The following CLPB variants were observed in gnomAD, a reference collection of about 807,000 sequenced individuals.
CLPB encodes ClpB family mitochondrial disaggregase, also known as mitochondrial disaggregase.
CLPB carries 40 observed loss-of-function variants against 78.4 expected under a neutral mutation model. The observed-to-expected ratio is 0.51, with a 90% CI of 0.40 to 0.66. The LOEUF is 0.66. Ranked by LOEUF, CLPB falls within the 30% of genes least tolerant of loss-of-function variation. The probability of loss-of-function intolerance (pLI) is 0.00; values close to 1 mark genes in which losing one functional copy is unlikely to be tolerated. For missense variants in CLPB, 780 were observed against 886.9 expected (o/e 0.88, Z 1.53); for synonymous variants, 333 against 348.0 (o/e 0.96, Z 0.48).
intron 3 of CLPB, among the ~76,000 whole-genome samples, chr11:72,395,812 T>G (rs531427310): frequency 6.6e-6 from 1 of 152,284 alleles, no homozygotes; most frequent in South Asian, 2.1e-4. Context: ...GGTACACTGG[T>G]ACTCTACCTG....
intron 4 of CLPB, among the ~76,000 whole-genome samples, chr11:72,369,635 T>A (rs2135646533): frequency 6.6e-6 from 1 of 152,282 alleles, no homozygotes; most frequent in South Asian, 2.1e-4. Context: ...AAAAAACAAA[T>A]ACAAAATGCT....
intron 3 of CLPB, among the ~76,000 whole-genome samples, chr11:72,385,883 G>A (rs1254460499): frequency 6.6e-6 from 1 of 152,116 alleles, no homozygotes; most frequent in Non-Finnish European, 1.5e-5. Flanking sequence ...TCCACTATAA[G>A]ACTATTCCAT....
In CLPB at chr11:72,285,894, T is replaced by C. The variant is rs1416533144; in HGVS notation, c.*7473A>G. 1 of 152,190 alleles carries C rather than the reference T, an allele frequency of 6.6e-6. No homozygotes were observed. The highest frequency in any genetic ancestry group is 2.4e-5 in the African/African-American group (1 of 41,456). 9.4% of individuals were successfully genotyped at this position (152,190 alleles called of 1,614,324 possible). On this transcript the variant is annotated 3_prime_UTR_variant, in exon 16 of 16. Coordinates refer to ENST00000538039, the MANE Select transcript of CLPB (RefSeq NM_001258392.3). Reference sequence around the variant, plus strand: ...GCTAGAATACAGAAAAAACAATTGATTTTTGTACAGTTATCTTTTATTCAG... The same window carrying C: ...GCTAGAATACAGAAAAAACAATTGACTTTTGTACAGTTATCTTTTATTCAG...
At chr11:72,331,727 C>A (rs144854943) in intron 5 of CLPB, among the ~76,000 whole-genome samples, 1 of 151,924 alleles carries the variant, frequency 6.6e-6, no homozygotes, top group Non-Finnish European at 1.5e-5. Context: ...GCATGTGCCA[C>A]CATGCCTGGC....
Position 72,434,201 on chromosome 11 carries a change from G to C in CLPB, c.274C>G (p.Pro92Ala). 1 of 1,613,566 alleles carries C rather than the reference G, an allele frequency of 6.2e-7. No homozygotes were observed. Among genetic ancestry groups the C allele is most frequent in the Non-Finnish European group, 8.5e-7 (1 of 1,180,004 alleles). ...CCTGGGAGTGTTTCTTCGGGACCAG[G>C]AAGGCGTCCCCAAGTGGCAGCCGCG... ...CLAAATWGRL[P>A]GPEETLPGQD... The change falls in exon 1 of 16, where the codon CCT (proline) becomes GCT (alanine). Residue 92 changes from proline (P) to alanine (A), a missense_variant. Around this residue, in one of 3 missense-constraint regions of CLPB, gnomAD observed 417 missense variants for 414.7 expected, o/e 1.01. Coordinates refer to ENST00000538039, the MANE Select transcript of CLPB (RefSeq NM_001258392.3).
chr11:72,349,514 AG>A (rs1420952758), intron 5 of CLPB, among the ~76,000 whole-genome samples: 1 of 152,192 alleles, frequency 6.6e-6, no homozygotes, highest in Non-Finnish European at 1.5e-5. Context: ...CCTTTTGGGA[AG>A]GGACACTTGA....
intron 4 of CLPB, among the ~76,000 whole-genome samples, chr11:72,364,442 G>T (rs373850372): frequency 3.3e-3 from 498 of 152,074 alleles, no homozygotes; most frequent in Non-Finnish European, 4.8e-3. Flanking sequence ...CCCGACCTCA[G>T]ATGATCCACC....
rs544601364 is a variant in CLPB at position 72,293,996 on chromosome 11, C to T, written c.1785+26G>A. On this transcript the variant is annotated intron_variant, in intron 15 of 15. Coordinates refer to ENST00000538039, the MANE Select transcript of CLPB (RefSeq NM_001258392.3). ...CCTGGGGAGGGAGGTGTGGAGGCGC[C>T]TCATTTCTCAGGCTCCTGTGCTCAC... The T allele has an allele frequency of 6.2e-6, 10 of 1,600,962 alleles. No homozygotes were observed. In the Admixed American group the frequency reaches 8.4e-5, roughly 13 times the overall value.
At chr11:72,366,547 A>T (rs1024871097) in intron 4 of CLPB, among the ~76,000 whole-genome samples, 1 of 152,172 alleles carries the variant, frequency 6.6e-6, no homozygotes, top group Admixed American at 6.6e-5. Context: ...TAAGGAACTT[A>T]AACAACTCAA....
At position 72,339,750 on chromosome 11, in the gene CLPB, T is replaced by C. The variant is rs540622509; in HGVS notation, c.776-9946A>G. ...CCAGTTGAGGGGAGATGGACAAGTT[T>C]ATTTCAGTAGTATCTTGTGCTTTGA... On this transcript the variant is annotated intron_variant, in intron 5 of 15. Transcript: ENST00000538039. Among the ~76,000 whole-genome samples, 4 of 152,344 alleles carry C rather than the reference T, an allele frequency of 2.6e-5. No individual in the cohort carries two copies. The South Asian group carries it at 8.3e-4, about 32-fold the overall frequency.
chr11:72,309,238 T>C (rs1590774708), intron 7 of CLPB, among the ~76,000 whole-genome samples: 1 of 151,140 alleles, frequency 6.6e-6, no homozygotes, highest in African/African-American at 2.4e-5. Context: ...GTGGAGGGAG[T>C]GGGGAGCACG....
intron 3 of CLPB, among the ~76,000 whole-genome samples, chr11:72,392,682 G>C (rs1855288192): frequency 6.6e-6 from 1 of 152,170 alleles, no homozygotes; most frequent in Non-Finnish European, 1.5e-5. Flanking sequence ...CACTATTTCA[G>C]ATCCTTATAA....
At chr11:72,395,422 G>C (rs549473230) in intron 3 of CLPB, among the ~76,000 whole-genome samples, 3 of 152,332 alleles carry the variant, frequency 2.0e-5, no homozygotes, top group South Asian at 4.1e-4. Flanking sequence ...GGTTCAGAAA[G>C]ACCCAGCTTC....
At chr11:72,368,061 T>C (rs1950976722) in intron 4 of CLPB, among the ~76,000 whole-genome samples, 1 of 152,208 alleles carries the variant, frequency 6.6e-6, no homozygotes, top group Admixed American at 6.5e-5. Context: ...TATTGTACCC[T>C]TTCCTCTTCC....
chr11:72,404,993 G>A (rs1565085098), intron 2 of CLPB, among the ~76,000 whole-genome samples: 1 of 152,304 alleles, frequency 6.6e-6, no homozygotes, highest in East Asian at 1.9e-4. Flanking sequence ...AGCAGGCCAC[G>A]TGATATGGTA....
intron 5 of CLPB, among the ~76,000 whole-genome samples, chr11:72,333,445 C>T (rs900543355): frequency 6.6e-6 from 1 of 152,228 alleles, no homozygotes; most frequent in Non-Finnish European, 1.5e-5. Context: ...TTATATTTCA[C>T]GACTGTTCTG....
chr11:72,342,161 T>C (rs1950432032), intron 5 of CLPB, among the ~76,000 whole-genome samples: 2 of 152,100 alleles, frequency 1.3e-5, no homozygotes, highest in Admixed American at 6.5e-5. Context: ...TTTGGACGCA[T>C]TGAGGATGAG....
At chr11:72,406,823 C>T (rs1855723190) in intron 2 of CLPB, among the ~76,000 whole-genome samples, 1 of 152,196 alleles carries the variant, frequency 6.6e-6, no homozygotes, top group African/African-American at 2.4e-5. Context: ...TTTCCAAGAC[C>T]TGAGCCAGGC....
intron 6 of CLPB, among the ~76,000 whole-genome samples, chr11:72,322,137 G>C (rs1269042302): frequency 1.3e-5 from 2 of 152,028 alleles, no homozygotes; most frequent in African/African-American, 4.8e-5. Context: ...GTCCACAAAG[G>C]ACACATCCCT....
Sources: allele counts gnomAD v4.1 joint callset (sites outside exome capture counted in the v4.1 genomes callset), GRCh38; gene constraint gnomAD v4.1.1; regional missense constraint gnomAD v4.1.1; transcripts MANE v1.5; gene names NCBI Gene and HGNC (gene_info 2026-07-23, HGNC 2026-07-21).